Variants in STPG2 observed in about 807,000 individuals in gnomAD.
The protein encoded by STPG2 is sperm tail PG-rich repeat containing 2, also known as sperm-tail PG-rich repeat-containing protein 2.
STPG2 carries 56 observed loss-of-function variants against 54.2 expected under a neutral mutation model. The ratio of observed to expected loss-of-function variants is 1.03; its 90% confidence interval spans 0.83 to 1.29. STPG2 has a LOEUF of 1.29. Among genes scored for constraint, STPG2 ranks in the 50% most tolerant of loss-of-function variants. The pLI is 0.00. For synonymous variants in STPG2, 200 were observed against 181.8 expected, an observed-to-expected ratio of 1.10 and a Z score of -0.81; for missense variants, 596 against 544.9, an observed-to-expected ratio of 1.09 and a Z score of -0.93.
At chr4:97,788,220 T>A (rs1453056767) in intron 9 of STPG2, among the ~76,000 whole-genome samples, 1 of 152,042 alleles carries the variant, frequency 6.6e-6, no homozygotes, top group East Asian at 1.9e-4. Flanking sequence ...GCTTCCCCTA[T>A]GACCCACTAC....
chr4:97,641,508 TG>T (rs1376925043), intron 10 of STPG2, among the ~76,000 whole-genome samples: 1 of 151,432 alleles, frequency 6.6e-6, no homozygotes. Context: ...CTATTGTGTC[TG>T]AAGCAGAACA....
In STPG2 at chr4:97,861,541, T is replaced by C. The variant is rs189641884; in HGVS notation, c.1045-20609A>G. ...AAAAGAAATCAGTATATCAAAGAGATATCTGCACTCCTATGTTTATGGCAG... is the reference window on the plus strand; with the variant it reads ...AAAAGAAATCAGTATATCAAAGAGACATCTGCACTCCTATGTTTATGGCAG... On this transcript the variant is annotated intron_variant, in intron 8 of 10. Coordinates refer to ENST00000295268, the MANE Select transcript of STPG2 (RefSeq NM_174952.3). Among the ~76,000 whole-genome samples the C allele has an allele frequency of 1.9e-3, 283 of 152,254 alleles. 1 individual carries two copies. The highest frequency in any genetic ancestry group is 2.7e-3 in the Non-Finnish European group (187 of 68,018).
intron 9 of STPG2, among the ~76,000 whole-genome samples, chr4:97,743,610 C>A (rs1245608511): frequency 6.6e-6 from 1 of 151,660 alleles, no homozygotes; most frequent in East Asian, 1.9e-4. Context: ...TTCAATAAAG[C>A]AGAATTTATT....
intron 8 of STPG2, among the ~76,000 whole-genome samples, chr4:97,926,025 T>C (rs976865610): frequency 6.6e-6 from 1 of 152,188 alleles, no homozygotes; most frequent in African/African-American, 2.4e-5. Context: ...TAATTCCTTA[T>C]ACAATTTTAT....
chr4:97,769,156 G>A (rs1342270276), intron 9 of STPG2, among the ~76,000 whole-genome samples: 1 of 152,190 alleles, frequency 6.6e-6, no homozygotes, highest in Non-Finnish European at 1.5e-5. Context: ...ATGGCCAAGA[G>A]ATGGTTTGTT....
intron 5 of STPG2, among the ~76,000 whole-genome samples, chr4:98,031,767 G>A (rs1191143609): frequency 6.6e-6 from 1 of 152,162 alleles, no homozygotes; most frequent in African/African-American, 2.4e-5. Context: ...ACAGTAAGCA[G>A]AGTAAACAGA....
At position 97,943,925 on chromosome 4, in the gene STPG2, G is replaced by A. The variant is rs1195543015; in HGVS notation, c.1016C>T (p.Ala339Val). ...TNKYAAFLSR[A>V]KRTMKVPDMV... is the part of the protein sequence containing the mutation. ...ATCTGGTACTTTCATAGTTCTTTTG[G>A]CTCTTGACAAGAAAGCAGCATATTT... The change falls in exon 8 of 11, where the codon GCC becomes GTC. Residue 339 changes from alanine (A) to valine (V), a missense_variant. Ala to Val is a moderately conservative substitution (Grantham distance 64). Coordinates refer to ENST00000295268, the MANE Select transcript of STPG2 (RefSeq NM_174952.3). The A allele has an allele frequency of 1.3e-6, 2 of 1,587,948 alleles. No homozygotes were observed. The highest frequency in any genetic ancestry group is 1.7e-6 in the Non-Finnish European group (2 of 1,171,898).
intron 9 of STPG2, among the ~76,000 whole-genome samples, chr4:97,727,188 G>A (rs1463407): frequency 0.84 from 127,308 of 151,726 alleles, 53,571 homozygotes; most frequent in Middle Eastern, 0.95. Flanking sequence ...ATGTAAATAA[G>A]TATATTAGGC....
intron 4 of STPG2, among the ~76,000 whole-genome samples, chr4:97,450,084 A>C (rs1208067507): frequency 6.6e-6 from 1 of 152,204 alleles, no homozygotes; most frequent in Non-Finnish European, 1.5e-5. Context: ...CAATCATTAA[A>C]AAGTCTAAAG....
intron 10 of STPG2, among the ~76,000 whole-genome samples, chr4:97,649,786 G>C (rs1052330245): frequency 2.0e-5 from 3 of 152,200 alleles, no homozygotes; most frequent in Admixed American, 6.5e-5. Flanking sequence ...TGGCACCAGG[G>C]ACCGGTTTCA....
intron 5 of STPG2, among the ~76,000 whole-genome samples, chr4:98,098,322 C>T (rs1053880815): frequency 6.6e-6 from 1 of 151,964 alleles, no homozygotes; most frequent in African/African-American, 2.4e-5. Context: ...AACCCACACA[C>T]CTATAGTGAA....
At chr4:98,071,912 A>G (rs1448272114) in intron 5 of STPG2, among the ~76,000 whole-genome samples, 3 of 152,136 alleles carry the variant, frequency 2.0e-5, no homozygotes, top group East Asian at 3.9e-4. Context: ...AAAACAACAG[A>G]TGCTGGCAAG....
chr4:97,853,003 G>C (rs940948383), intron 8 of STPG2, among the ~76,000 whole-genome samples: 6 of 103,648 alleles, frequency 5.8e-5, no homozygotes, highest in Non-Finnish European at 1.0e-4. Flanking sequence ...TTGAGACAGA[G>C]TCTCACTCTG....
chr4:97,853,893 C>A (rs1045807251), intron 8 of STPG2, among the ~76,000 whole-genome samples: 1 of 152,056 alleles, frequency 6.6e-6, no homozygotes, highest in African/African-American at 2.4e-5. Flanking sequence ...GAGCTCCTCC[C>A]GCCTCAGCCT....
At chr4:97,892,918 T>TGCTCTTATATC in intron 8 of STPG2, 1 of 152,130 alleles carries the variant, frequency 6.6e-6, no homozygotes, top group Non-Finnish European at 1.5e-5. Context: ...CTCAAATTCT[T>TGCTCTTATATC]TTGTACAGCA....
chr4:97,500,790 T>G (rs1178109631), intron 4 of STPG2, among the ~76,000 whole-genome samples: 1 of 151,998 alleles, frequency 6.6e-6, no homozygotes, highest in Non-Finnish European at 1.5e-5. Context: ...CACACGGTGA[T>G]TACTGTTGGC....
chr4:97,545,183 A>C (rs1731808070), intron 4 of STPG2, among the ~76,000 whole-genome samples: 1 of 152,078 alleles, frequency 6.6e-6, no homozygotes, highest in Non-Finnish European at 1.5e-5. Context: ...CTTTTTTCTT[A>C]AAAAGGTAAA....
chr4:98,009,018 T>G (rs1735658468), intron 5 of STPG2, among the ~76,000 whole-genome samples: 1 of 151,816 alleles, frequency 6.6e-6, no homozygotes, highest in African/African-American at 2.4e-5. Context: ...TTTATTTGAG[T>G]ACATTCTGTT....
At chr4:97,837,034 T>C (rs1728656389) in intron 9 of STPG2, among the ~76,000 whole-genome samples, 1 of 151,638 alleles carries the variant, frequency 6.6e-6, no homozygotes, top group African/African-American at 2.4e-5. Flanking sequence ...AATCCTATCT[T>C]GTTACCAAGA....
Sources: gnomAD v4.1 joint callset for allele counts (sites outside exome capture counted in the v4.1 genomes callset) on GRCh38, gnomAD v4.1.1 for gene constraint, MANE v1.5 for transcripts, NCBI Gene and HGNC (gene_info 2026-07-23, HGNC 2026-07-21) for gene names.